The following ABI3BP variants were observed in gnomAD, a reference collection of about 807,000 sequenced individuals.
The protein encoded by ABI3BP is target of Nesh-SH3.
A neutral mutation model predicts 268.6 loss-of-function variants in ABI3BP; 216 were observed. The ratio of observed to expected loss-of-function variants is 0.80; its 90% CI spans 0.72 to 0.90. The LOEUF is 0.90. Ranked by LOEUF, ABI3BP falls within the 40% of genes least tolerant of loss-of-function variation. The probability of loss-of-function intolerance (pLI) is 0.00; values close to 1 mark genes in which losing one functional copy is unlikely to be tolerated. For missense variants in ABI3BP, 2,090 were observed against 2,182.4 expected (o/e 0.96, Z 0.84); for synonymous variants, 730 against 730.0 (o/e 1.00, Z 0.00).
At chr3:100,971,560 AC>A (rs1330116394) in intron 1 of ABI3BP, among the ~76,000 whole-genome samples, 1 of 152,190 alleles carries the variant, frequency 6.6e-6, no homozygotes, top group African/African-American at 2.4e-5. Context: ...TATTAGGGTC[AC>A]CAGGTCCAGG....
chr3:100,898,698 C>T (rs1582555082), intron 4 of ABI3BP, 64 bp downstream of exon 4: 1 of 1,542,210 alleles, frequency 6.5e-7, no homozygotes, highest in East Asian at 2.3e-5. Flanking sequence ...TGCTAACAGT[C>T]CTGATACTTA....
chr3:100,837,009 A>G, intron 27 of ABI3BP, 115 bp downstream of exon 27: 1 of 1,066,150 alleles, frequency 9.4e-7, no homozygotes, highest in Non-Finnish European at 1.3e-6. Flanking sequence ...GAAAATTTTT[A>G]AAAATGAAAA....
intron 9 of ABI3BP, among the ~76,000 whole-genome samples, chr3:100,873,752 A>G (rs2099133344): frequency 6.6e-6 from 1 of 152,200 alleles, no homozygotes; most frequent in Admixed American, 6.5e-5. Context: ...AGGAGAAAGT[A>G]AGGGCCTTGT....
intron 63 of ABI3BP, among the ~76,000 whole-genome samples, chr3:100,759,905 G>A (rs1297150438): frequency 2.0e-5 from 3 of 152,164 alleles, no homozygotes; most frequent in Non-Finnish European, 4.4e-5. Context: ...AAGAGATGTT[G>A]AGAAGTTAAT....
Position 100,845,483 on chromosome 3 carries a change from C to T in ABI3BP, c.1723+889G>A, listed in dbSNP as rs76657430. 6.2e-3 allele frequency among the ~76,000 whole-genome samples: 941 copies of T among 152,250 alleles called. 8 individuals carry two copies. The highest frequency in any genetic ancestry group is 0.02 in the African/African-American group (845 of 41,570). On this transcript the variant is annotated intron_variant, in intron 20 of 67. Coordinates refer to ENST00000471714, the MANE Select transcript of ABI3BP (RefSeq NM_001375547.2). ...TTCTTTAAGCAGTTACATTTTTCTTCCTTAGCCATTTCATTGCAAAAATAA... is the reference window on the plus strand; with the variant it reads ...TTCTTTAAGCAGTTACATTTTTCTTTCTTAGCCATTTCATTGCAAAAATAA...
chr3:100,968,245 G>A (rs1390062129), intron 1 of ABI3BP, among the ~76,000 whole-genome samples: 4 of 152,036 alleles, frequency 2.6e-5, no homozygotes, highest in African/African-American at 9.7e-5. Flanking sequence ...TTTCAAATAT[G>A]TATATATATT....
intron 1 of ABI3BP, among the ~76,000 whole-genome samples, chr3:100,975,703 A>G (rs1164510851): frequency 6.6e-6 from 1 of 152,160 alleles, no homozygotes; most frequent in Non-Finnish European, 1.5e-5. Flanking sequence ...CAACTATGGG[A>G]TGCTCTGAGA....
chr3:100,903,349 T>A (rs1013746725), intron 2 of ABI3BP, among the ~76,000 whole-genome samples: 4 of 152,228 alleles, frequency 2.6e-5, no homozygotes, highest in Non-Finnish European at 4.4e-5. Context: ...AATCAGCATA[T>A]GCTAACTCAA....
At chr3:100,885,414 C>G (rs1210277302) in intron 6 of ABI3BP, 122 bp downstream of exon 6, 1 of 493,540 alleles carries the variant, frequency 2.0e-6, no homozygotes, top group African/African-American at 2.0e-5. Context: ...AAACTAAGTA[C>G]TTTCTCCACT....
At chr3:100,936,608 G>A (rs1391107261) in intron 1 of ABI3BP, among the ~76,000 whole-genome samples, 2 of 151,982 alleles carry the variant, frequency 1.3e-5, no homozygotes. Context: ...TCTGGTCCTG[G>A]ACTTTTTTTT....
intron 2 of ABI3BP, among the ~76,000 whole-genome samples, chr3:100,921,177 T>C (rs577094958): frequency 6.6e-6 from 1 of 152,184 alleles, no homozygotes; most frequent in African/African-American, 2.4e-5. Context: ...TTGCACCCCA[T>C]TGGAGTCCTA....
At chr3:100,774,537 A>G (rs940466228) in intron 61 of ABI3BP, 68 bp downstream of exon 61, 1 of 1,283,476 alleles carries the variant, frequency 7.8e-7, no homozygotes, top group Non-Finnish European at 1.1e-6. Context: ...TTACACAGCA[A>G]TAACTGGCTG....
chr3:100,817,381 A>T, intron 42 of ABI3BP, 55 bp downstream of exon 42: 1 of 1,220,472 alleles, frequency 8.2e-7, no homozygotes, highest in Non-Finnish European at 1.1e-6. Flanking sequence ...ATAATGATGG[A>T]ATGGATTTGA....
chr3:100,796,586 G>A (rs1330788549), intron 51 of ABI3BP, 118 bp from the exon 52 acceptor site: 5 of 652,968 alleles, frequency 7.7e-6, no homozygotes, highest in Non-Finnish European at 1.2e-5. Flanking sequence ...TTTTACAATG[G>A]TTAATGACCA....
intron 1 of ABI3BP, among the ~76,000 whole-genome samples, chr3:100,926,807 AT>A (rs1442892986): frequency 2.0e-5 from 3 of 152,166 alleles, no homozygotes; most frequent in Non-Finnish European, 4.4e-5. Flanking sequence ...AAGGACCTGA[AT>A]TTTTTTATTG....
intron 3 of ABI3BP, 52 bp from the exon 4 acceptor site, chr3:100,898,946 CATG>C (rs2048906756): frequency 1.3e-6 from 2 of 1,525,620 alleles, no homozygotes; most frequent in South Asian, 2.6e-5. Context: ...AGTAAGTTGC[CATG>C]ATTCGGGTAA....
intron 1 of ABI3BP, among the ~76,000 whole-genome samples, chr3:100,982,507 G>A (rs892242283): frequency 6.7e-6 from 1 of 149,780 alleles, no homozygotes; most frequent in African/African-American, 2.4e-5. Context: ...AGTAATTGTG[G>A]TTTTTAATGG....
chr3:100,754,868 T>C (rs947651051), intron 63 of ABI3BP, among the ~76,000 whole-genome samples, 177 bp from the exon 64 acceptor site: 2 of 152,228 alleles, frequency 1.3e-5, no homozygotes, highest in African/African-American at 2.4e-5. Context: ...AGTTTTACTA[T>C]CTGAACAGCT....
At chr3:100,931,618 A>C (rs2196565) in intron 1 of ABI3BP, among the ~76,000 whole-genome samples, 32,561 of 151,692 alleles carry the variant, frequency 0.21, 3,744 homozygotes, top group African/African-American at 0.31. Flanking sequence ...CACACACACA[A>C]AAAAAAACTA....
Sources: allele counts gnomAD v4.1 joint callset (sites outside exome capture counted in the v4.1 genomes callset), GRCh38; gene constraint gnomAD v4.1.1; transcripts MANE v1.5; gene names NCBI Gene and HGNC (gene_info 2026-07-23, HGNC 2026-07-21).